The following TBC1D1 variants were observed in gnomAD, a reference collection of about 807,000 sequenced individuals.
TBC1D1 encodes TBC1 domain family member 1.
A neutral mutation model predicts 125.6 loss-of-function variants in TBC1D1; 89 were observed. The ratio of observed to expected loss-of-function variants is 0.71; its 90% CI spans 0.60 to 0.85. TBC1D1 has a LOEUF of 0.85. Among genes scored for constraint, TBC1D1 ranks in the 40% least tolerant of loss-of-function variants. The pLI, the probability that TBC1D1 is intolerant of heterozygous loss-of-function variation, is 0.00. For synonymous variants in TBC1D1, 565 were observed against 564.1 expected, an observed-to-expected ratio of 1.00 and a Z score of -0.02; for missense variants, 1,377 against 1,469.2, an observed-to-expected ratio of 0.94 and a Z score of 1.03.
At chr4:37,992,642 C>T (rs957854102) in intron 2 of TBC1D1, among the ~76,000 whole-genome samples, 1 of 149,584 alleles carries the variant, frequency 6.7e-6, no homozygotes, top group Non-Finnish European at 1.5e-5. Context: ...CTACAGGTGC[C>T]TGTCACCACG....
intron 2 of TBC1D1, among the ~76,000 whole-genome samples, chr4:37,933,118 C>G (rs1416663093): frequency 1.3e-5 from 2 of 151,582 alleles, no homozygotes; most frequent in Admixed American, 1.3e-4. Flanking sequence ...GGTGTGACAC[C>G]AACTGGTTAA....
Position 37,902,344 on chromosome 4 carries a change from A to G in TBC1D1, c.249A>G (p.Gln83=), listed in dbSNP as rs773026316. 2.7e-5 allele frequency: 44 copies of G among 1,614,092 alleles called. No individual in the cohort carries two copies. The highest frequency in any genetic ancestry group is 3.5e-5 in the Non-Finnish European group (41 of 1,180,040). Residue 83 remains glutamine (Q), a synonymous_variant, in exon 2 of 20, where the codon CAA becomes CAG. Transcript: ENST00000261439. ...GTGAACCTGAGCCAGGGAGAAGTCA[A>G]CAGTGGGATCCCCTGATCTATTCCA...
chr4:38,045,669 A>T (rs947013180), intron 9 of TBC1D1, 148 bp from the exon 10 acceptor site: 6 of 593,134 alleles, frequency 1.0e-5, no homozygotes, highest in Admixed American at 5.8e-5. Context: ...GGAAATGTTG[A>T]TTATTTTAAT....
intron 2 of TBC1D1, chr4:38,007,069 G>A (rs1043336597): frequency 4.4e-5 from 16 of 365,960 alleles, no homozygotes; most frequent in East Asian, 3.1e-4. Flanking sequence ...GCACTGAGAC[G>A]AGACATGCGC....
chr4:37,967,022 GT>G (rs573168237), intron 2 of TBC1D1, among the ~76,000 whole-genome samples: 1 of 152,226 alleles, frequency 6.6e-6, no homozygotes, highest in African/African-American at 2.4e-5. Flanking sequence ...AATTCAAATT[GT>G]TTTGTGCATT....
chr4:37,976,484 G>T (rs1246217151), intron 2 of TBC1D1, among the ~76,000 whole-genome samples: 1 of 152,208 alleles, frequency 6.6e-6, no homozygotes, highest in Non-Finnish European at 1.5e-5. Context: ...GATATTTAGG[G>T]AACAACATTA....
At position 38,089,954 on chromosome 4, in the gene TBC1D1, T is replaced by A. The variant is rs1296574532; in HGVS notation, c.2073T>A (p.Leu691=). 2.5e-6 allele frequency: 4 copies of A among 1,593,144 alleles called. No individual in the cohort carries two copies. The highest frequency in any genetic ancestry group is 3.4e-6 in the Non-Finnish European group (4 of 1,172,178). ...CAGATTATTCAGAGCTGGGAGAGCT[T>A]CCCCCACGATCTCCTTTAGAACCAG... The change falls in exon 13 of 20, where the codon CTT becomes CTA. Residue 691 remains leucine (L), a synonymous_variant. Coordinates refer to ENST00000261439, the MANE Select transcript of TBC1D1 (RefSeq NM_015173.4).
chr4:37,992,581 G>A (rs1736835229), intron 2 of TBC1D1, among the ~76,000 whole-genome samples: 2 of 140,814 alleles, frequency 1.4e-5, no homozygotes, highest in Admixed American at 7.5e-5. Flanking sequence ...TGCAAGCTCC[G>A]CCTCCCGGGT....
chr4:38,107,577 GTTTTTTTTTTT>G (rs3038351), intron 15 of TBC1D1, among the ~76,000 whole-genome samples: 4 of 53,094 alleles, frequency 7.5e-5, no homozygotes, highest in South Asian at 9.6e-4. Context: ...GTCTAAACAG[GTTTTTTTTTTT>G]TTTTTTTTTT....
intron 2 of TBC1D1, among the ~76,000 whole-genome samples, chr4:37,918,635 A>G (rs536499827): frequency 1.3e-5 from 2 of 152,198 alleles, no homozygotes; most frequent in East Asian, 3.9e-4. Context: ...TTTAGTAGAG[A>G]TGGGTTTTCA....
At chr4:38,083,934 C>CTTTTTT (rs61161366) in intron 12 of TBC1D1, among the ~76,000 whole-genome samples, 18 of 133,294 alleles carry the variant, frequency 1.4e-4, no homozygotes, top group South Asian at 2.4e-4. Context: ...TGAATGTTGT[C>CTTTTTT]TTTTTTTTTT....
intron 2 of TBC1D1, among the ~76,000 whole-genome samples, chr4:38,007,578 G>A (rs1406682904): frequency 6.6e-6 from 1 of 152,128 alleles, no homozygotes; most frequent in Non-Finnish European, 1.5e-5. Context: ...TAACTTATTT[G>A]AAATGCACCC....
chr4:37,989,899 G>T (rs1190682496), intron 2 of TBC1D1, among the ~76,000 whole-genome samples: 1 of 152,176 alleles, frequency 6.6e-6, no homozygotes, highest in Non-Finnish European at 1.5e-5. Context: ...CATGGCTAAG[G>T]CTGTTAGACT....
rs1456402025 is a variant in TBC1D1, at chr4:38,090,066, C to A, written c.2185C>A (p.Leu729Ile). 2 of 1,613,902 alleles carry A rather than the reference C, an allele frequency of 1.2e-6. No homozygotes were observed. The highest frequency in any genetic ancestry group is 2.7e-5 in the African/African-American group (2 of 74,924). Residue 729 changes from leucine (L) to isoleucine (I), a missense_variant, in exon 13 of 20, where the codon CTT becomes ATT. By Grantham distance (5) the Leu-to-Ile change is conservative. Transcript: ENST00000261439. Reference sequence around the variant, plus strand: ...CCGAGAGCTGTGGCAAAAGGCTATTCTTCAACAGATACTGCTGCTTAGAAT... The same window carrying A: ...CCGAGAGCTGTGGCAAAAGGCTATTATTCAACAGATACTGCTGCTTAGAAT...
At chr4:38,095,051 G>C (rs144444807) in intron 13 of TBC1D1, among the ~76,000 whole-genome samples, 2 of 151,974 alleles carry the variant, frequency 1.3e-5, no homozygotes, top group Non-Finnish European at 2.9e-5. Flanking sequence ...CAGCCTCTTA[G>C]CTAAAAAATC....
chr4:38,037,234 A>G (rs1219053973), intron 8 of TBC1D1, among the ~76,000 whole-genome samples: 1 of 151,834 alleles, frequency 6.6e-6, no homozygotes, highest in Non-Finnish European at 1.5e-5. Context: ...TAATATTTTT[A>G]TGATTTGGGC....
chr4:38,114,762 G>A lies in TBC1D1; in HGVS notation c.2558-948G>A, dbSNP rs186104209. Among the ~76,000 whole-genome samples, 16 of 152,034 alleles carry A rather than the reference G, an allele frequency of 1.1e-4. No homozygotes were observed. In the East Asian group the frequency reaches 2.5e-3, roughly 24 times the overall value. ...AACAGTTTTTTGTGAAAATAATCAG[G>A]ATGTTGAGAGCTTTTTTTTTTTTCT... On this transcript the variant is annotated intron_variant, in intron 15 of 19. Transcript: ENST00000261439.
rs202164501 is a variant in TBC1D1 at position 37,960,676 on chromosome 4, G to A, written c.418-53833G>A. 16 of 1,614,184 alleles carry A rather than the reference G, an allele frequency of 9.9e-6. No individual in the cohort carries two copies. The African/African-American group carries it at 2.0e-4, about 20-fold the overall frequency. On this transcript the variant is annotated intron_variant, in intron 2 of 19. Transcript: ENST00000261439. Reference sequence around the variant, plus strand: ...AAGTCAGTAAAGACCAATGGACCCAGAAAACAAAAACAGCCAAGCTTTTCT... The same window carrying A: ...AAGTCAGTAAAGACCAATGGACCCAAAAAACAAAAACAGCCAAGCTTTTCT...
chr4:38,050,366 C>T (rs1276000159), intron 11 of TBC1D1, among the ~76,000 whole-genome samples: 1 of 152,196 alleles, frequency 6.6e-6, no homozygotes, highest in Non-Finnish European at 1.5e-5. Flanking sequence ...TAATTGTGAC[C>T]TGGACGAATT....
Sources: allele counts gnomAD v4.1 joint callset (sites outside exome capture counted in the v4.1 genomes callset), GRCh38; gene constraint gnomAD v4.1.1; transcripts MANE v1.5; gene names NCBI Gene and HGNC (gene_info 2026-07-23, HGNC 2026-07-21).